DRP2: variants seen among roughly 807,000 people sequenced by gnomAD.
The protein encoded by DRP2 is dystrophin related protein 2.
A neutral mutation model predicts 78.2 loss-of-function variants in DRP2; 29 were observed. That is an observed-to-expected ratio of 0.37 (90% CI 0.28 to 0.51). The LOEUF is 0.51. Among genes scored for constraint, DRP2 ranks in the 20% least tolerant of loss-of-function variants. DRP2 has a pLI of 0.94. For missense variants in DRP2, 686 were observed against 770.6 expected (o/e 0.89, Z 1.30); for synonymous variants, 290 against 281.9 (o/e 1.03, Z -0.29).
At chrX:101,255,455 A>G in intron 20 of DRP2, among the ~76,000 whole-genome samples, 1 of 111,349 alleles carries the variant, frequency 9.0e-6, no homozygotes, top group Admixed American at 9.5e-5. Flanking sequence ...GAAATGAGTG[A>G]TGTACTAGCT....
rs1420175018 is a variant in DRP2 at position 101,244,641 on chromosome X, A to G, written c.1055-376A>G. Among the ~76,000 whole-genome samples the G allele has an allele frequency of 2.7e-5, 3 of 112,212 alleles. No individual in the cohort carries two copies. The Admixed American group carries it at 2.8e-4, about 11-fold the overall frequency. On this transcript the variant is annotated intron_variant, in intron 9 of 23. Transcript: ENST00000395209. ...GGAAGAGCTTTGAGCCCTAAGGGGA[A>G]AGTGGAGTCTACTTCATATCCGCAA...
intron 1 of DRP2, among the ~76,000 whole-genome samples, chrX:101,222,192 G>A (rs1921916940): frequency 9.0e-6 from 1 of 111,682 alleles, no homozygotes; most frequent in Admixed American, 9.6e-5. Flanking sequence ...AAGTACTGCT[G>A]TAAATGAATG....
chrX:101,258,606 G>A (rs1290259658), intron 22 of DRP2, 60 bp downstream of exon 22: 3 of 1,015,398 alleles, frequency 3.0e-6, no homozygotes, highest in Non-Finnish European at 4.0e-6. Context: ...AAGGGCTGGG[G>A]AGCTGAGGGC....
At position 101,261,518 on chromosome X, in the gene DRP2, A is replaced by G. The variant is rs5966745; in HGVS notation, c.*897A>G. ...CAAGGGAGTGTTGCTTTCCTTGGGTAAGGAAGAGGAAGCCCACCTCAAGTC... is the reference window on the plus strand; with the variant it reads ...CAAGGGAGTGTTGCTTTCCTTGGGTGAGGAAGAGGAAGCCCACCTCAAGTC... On this transcript the variant is annotated 3_prime_UTR_variant, in exon 24 of 24. Transcript: ENST00000395209. 0.43 allele frequency: 47,662 copies of G among 109,725 alleles called. 8,250 individuals carry two copies. The highest frequency in any genetic ancestry group is 0.63 in the African/African-American group (18,903 of 30,094). The allele number at this position is 109,725 out of a possible 1,213,427, so 9.0% of individuals were successfully genotyped here. A position where few individuals can be genotyped will look rare whatever the true frequency, so the allele number is the denominator to read the frequency against.
intron 15 of DRP2, 141 bp from the exon 16 acceptor site, chrX:101,250,776 A>G (rs1923108143): frequency 2.1e-6 from 2 of 931,304 alleles, no homozygotes; most frequent in Non-Finnish European, 3.0e-6. Flanking sequence ...CAGCTCAACT[A>G]GCACAGGGCA....
chrX:101,241,990 C>A, intron 7 of DRP2, 54 bp downstream of exon 7: 1 of 1,111,775 alleles, frequency 9.0e-7, no homozygotes, highest in South Asian at 2.1e-5. Context: ...GACACTCTCC[C>A]CAGACACTGA....
intron 1 of DRP2, among the ~76,000 whole-genome samples, chrX:101,224,194 T>TG (rs1922013319): frequency 1.2e-3 from 55 of 45,718 alleles, no homozygotes; most frequent in African/African-American, 4.4e-3. Flanking sequence ...TTTTTTTGTT[T>TG]TTTTTTTTTT....
chrX:101,258,648 TG>T, intron 22 of DRP2, 102 bp downstream of exon 22: 2 of 722,518 alleles, frequency 2.8e-6, no homozygotes, highest in Non-Finnish European at 4.0e-6. Flanking sequence ...GAGAGCTCCT[TG>T]GCAGTGGCTG....
At chrX:101,245,557 A>G (rs1406593798) in intron 11 of DRP2, 108 bp downstream of exon 11, 5 of 623,790 alleles carry the variant, frequency 8.0e-6, no homozygotes, top group Non-Finnish European at 9.9e-6. Flanking sequence ...TATCCATGTA[A>G]TGGAATATTC....
chrX:101,235,857 C>A lies in DRP2; in HGVS notation c.118-3C>A. ...ATCACAGGATGTTTGTGTTTCTGTCCAGGTTAGAGCTGCTGTCACCAGCCC... is the reference window on the plus strand; with the variant it reads ...ATCACAGGATGTTTGTGTTTCTGTCAAGGTTAGAGCTGCTGTCACCAGCCC... On this transcript the variant is annotated splice_region_variant and splice_polypyrimidine_tract_variant and intron_variant, in intron 3 of 23. Coordinates refer to ENST00000395209, the MANE Select transcript of DRP2 (RefSeq NM_001939.3). 8.3e-7 allele frequency: 1 copy of A among 1,200,294 alleles called. No individual in the cohort carries two copies. Among genetic ancestry groups the A allele is most frequent in the African/African-American group, 1.7e-5 (1 of 57,410 alleles).
At chrX:101,228,503 T>A (rs1922196030) in intron 2 of DRP2, among the ~76,000 whole-genome samples, 1 of 111,800 alleles carries the variant, frequency 8.9e-6, no homozygotes, top group African/African-American at 3.3e-5. Context: ...GGTTAACTTG[T>A]CCTGGACCAC....
At chrX:101,246,962 A>T in intron 11 of DRP2, 128 bp from the exon 12 acceptor site, 1 of 489,364 alleles carries the variant, frequency 2.0e-6, no homozygotes, top group South Asian at 3.7e-5. Flanking sequence ...ATTCATCCCC[A>T]CTCTTGTTGA....
In DRP2 at chrX:101,254,572, G is replaced by A. The variant is rs1923267915; in HGVS notation, c.2114+11G>A. Reference sequence around the variant, plus strand: ...TGACTACAGTGAGACGTGAGTACTGGTGGCTGAGCAGGGGCTGTGGGCAGC... The same window carrying A: ...TGACTACAGTGAGACGTGAGTACTGATGGCTGAGCAGGGGCTGTGGGCAGC... On this transcript the variant is annotated intron_variant, in intron 18 of 23. Coordinates refer to ENST00000395209, the MANE Select transcript of DRP2 (RefSeq NM_001939.3). The A allele has an allele frequency of 1.7e-6, 2 of 1,210,140 alleles. No individual in the cohort carries two copies. Among genetic ancestry groups the A allele is most frequent in the Non-Finnish European group, 2.2e-6 (2 of 895,221 alleles).
Position 101,254,886 on chromosome X carries a change from C to A in DRP2, c.2142C>A (p.His714Gln). The A allele has an allele frequency of 8.3e-7, 1 of 1,211,835 alleles. No individual in the cohort carries two copies. The highest frequency in any genetic ancestry group is 1.1e-6 in the Non-Finnish European group (1 of 895,592). Residue 714 changes from histidine (H) to glutamine (Q), a missense_variant, in exon 19 of 24, where the codon CAC (histidine) becomes CAA (glutamine). Transcript: ENST00000395209. ...ETPASSPMWP[H>Q]ADTHSRIEHF... is the part of the protein sequence containing the mutation. Reference sequence around the variant, plus strand: ...CGGCTTCTTCCCCGATGTGGCCACACGCCGACACACACTCCCGAATTGAGC... The same window carrying A: ...CGGCTTCTTCCCCGATGTGGCCACAAGCCGACACACACTCCCGAATTGAGC...
chrX:101,260,036 T>TA lies in DRP2; in HGVS notation c.2629-12dup. On this transcript the variant is annotated splice_polypyrimidine_tract_variant and intron_variant, in intron 22 of 23. Transcript: ENST00000395209. The stretch of plus-strand genomic sequence containing the variant: ...AGGCAAATCCACTTAAGTCATGCCT[T>TA]ACCTCTTGCTAGCCACCCACCGAAT... 1 of 1,210,952 alleles carries TA rather than the reference T, an allele frequency of 8.3e-7. No individual in the cohort carries two copies. Among genetic ancestry groups the TA allele is most frequent in the Non-Finnish European group, 1.1e-6 (1 of 895,173 alleles).
At chrX:101,243,534 A>G (rs1482020851) in intron 9 of DRP2, among the ~76,000 whole-genome samples, 1 of 111,090 alleles carries the variant, frequency 9.0e-6, no homozygotes, top group Non-Finnish European at 1.9e-5. Flanking sequence ...TCCCATCTGT[A>G]AAAGGAAGGA....
At chrX:101,236,588 T>C (rs1238396687) in intron 4 of DRP2, among the ~76,000 whole-genome samples, 1 of 112,204 alleles carries the variant, frequency 8.9e-6, no homozygotes, top group Non-Finnish European at 1.9e-5. Flanking sequence ...CGGCTTTCCC[T>C]AGCTGTCTGT....
At chrX:101,225,077 T>C (rs1233556130) in intron 2 of DRP2, among the ~76,000 whole-genome samples, 1 of 111,948 alleles carries the variant, frequency 8.9e-6, no homozygotes, top group Non-Finnish European at 1.9e-5. Flanking sequence ...GGCTCTGAGC[T>C]TAAAATAGGA....
In DRP2 at chrX:101,258,333, C is replaced by T. The variant is rs780543356; in HGVS notation, c.2415C>T (p.Arg805=). ...GGATTCTCCAGGGAGAGCTGAGGCG[C>T]CTGAAGTGGCAGCATGAGGAGGCAG... ...ENRILQGELR[R]LKWQHEEAAE... is the part of the protein sequence containing the mutation. The change falls in exon 22 of 24, where the codon CGC becomes CGT. Residue 805 remains arginine, a synonymous_variant. Coordinates refer to ENST00000395209, the MANE Select transcript of DRP2 (RefSeq NM_001939.3). 2 of 1,184,174 alleles carry T rather than the reference C, an allele frequency of 1.7e-6. No individual in the cohort carries two copies. The highest frequency in any genetic ancestry group is 3.1e-5 in the East Asian group (1 of 32,429).
Sources: allele counts gnomAD v4.1 joint callset (sites outside exome capture counted in the v4.1 genomes callset), GRCh38; gene constraint gnomAD v4.1.1; transcripts MANE v1.5; gene names NCBI Gene and HGNC (gene_info 2026-07-23, HGNC 2026-07-21).